DPP6: variants seen among roughly 807,000 people sequenced by gnomAD.
DPP6 encodes dipeptidyl peptidase like 6.
A neutral mutation model predicts 122.6 loss-of-function variants in DPP6; 69 were observed. The observed-to-expected ratio is 0.56, with a 90% CI of 0.46 to 0.69. The LOEUF is 0.69. Ranked by LOEUF, DPP6 falls within the 30% of genes least tolerant of loss-of-function variation. The pLI is 0.00. For missense variants in DPP6, 928 were observed against 1,116.9 expected (o/e 0.83, Z 2.41); for synonymous variants, 418 against 433.1 (o/e 0.97, Z 0.43).
At chr7:154,385,935 A>G (rs1018901515) in intron 1 of DPP6, among the ~76,000 whole-genome samples, 4 of 152,192 alleles carry the variant, frequency 2.6e-5, no homozygotes, top group African/African-American at 9.7e-5. Context: ...AAAAGCAAGA[A>G]GCACTATGGA....
At position 154,063,615 on chromosome 7, in the gene DPP6, C is replaced by T. The variant is rs541049878; in HGVS notation, c.243+10552C>T. Among the ~76,000 whole-genome samples the T allele has an allele frequency of 1.6e-3, 214 of 131,514 alleles. 13 individuals are homozygous for T. Among genetic ancestry groups the T allele is most frequent in the Non-Finnish European group, 2.4e-3 (146 of 60,522 alleles). 86.3% of individuals were successfully genotyped at this position (131,514 alleles called of 152,430 possible). ...CCCCATCGCAGTGAGGGAGGCACCC[C>T]CCACGAGGCAGGGACTGAGAGCCAC... is the stretch of plus-strand genomic sequence containing the variant. On this transcript the variant is annotated intron_variant, in intron 1 of 25. Coordinates refer to ENST00000377770, the MANE Select transcript of DPP6 (RefSeq NM_130797.4).
At chr7:154,844,613 G>A (rs1256479630) in intron 16 of DPP6, among the ~76,000 whole-genome samples, 1 of 152,166 alleles carries the variant, frequency 6.6e-6, no homozygotes. Flanking sequence ...GCCTGTGGTG[G>A]TCCTACAGTT....
chr7:154,867,537 C>G (rs1424036668), intron 17 of DPP6, among the ~76,000 whole-genome samples: 1 of 152,166 alleles, frequency 6.6e-6, no homozygotes, highest in Admixed American at 6.5e-5. Flanking sequence ...AGATCAGAAT[C>G]CATTTTATTT....
intron 3 of DPP6, among the ~76,000 whole-genome samples, chr7:154,515,765 C>T (rs1039321647): frequency 3.9e-5 from 6 of 152,106 alleles, no homozygotes; most frequent in Non-Finnish European, 8.8e-5. Flanking sequence ...TGAGCTATTG[C>T]GCCTGGCCTG....
At chr7:154,853,986 C>A (rs971996740) in intron 17 of DPP6, among the ~76,000 whole-genome samples, 159 bp downstream of exon 17, 1 of 152,110 alleles carries the variant, frequency 6.6e-6, no homozygotes, top group Non-Finnish European at 1.5e-5. Flanking sequence ...CCAATATCAA[C>A]GAAATATGAT....
chr7:154,438,522 T>C (rs1819095647), intron 1 of DPP6, among the ~76,000 whole-genome samples: 1 of 134,844 alleles, frequency 7.4e-6, no homozygotes, highest in Non-Finnish European at 1.6e-5. Flanking sequence ...AAATATCTCC[T>C]AAAGTAACAG....
At chr7:154,431,153 G>T (rs1024378414) in intron 1 of DPP6, among the ~76,000 whole-genome samples, 2 of 152,178 alleles carry the variant, frequency 1.3e-5, no homozygotes, top group Non-Finnish European at 2.9e-5. Flanking sequence ...AGAACACCGT[G>T]GTGCCCTGAG....
At chr7:154,087,602 G>T (rs1420957587) in intron 1 of DPP6, among the ~76,000 whole-genome samples, 2 of 152,164 alleles carry the variant, frequency 1.3e-5, no homozygotes, top group African/African-American at 2.4e-5. Context: ...TTCTTCTCTG[G>T]TGTTTCTCTC....
intron 1 of DPP6, among the ~76,000 whole-genome samples, chr7:154,363,921 A>G (rs955492072): frequency 6.6e-6 from 1 of 152,126 alleles, no homozygotes; most frequent in African/African-American, 2.4e-5. Flanking sequence ...TAATTGGGTA[A>G]TTATTTAGCT....
the DPP6 span, among the ~76,000 whole-genome samples, chr7:153,836,856 T>A: frequency 6.6e-6 from 1 of 152,214 alleles, no homozygotes; most frequent in African/African-American, 2.4e-5. Context: ...TCACTCTGAC[T>A]TCCAGTTAAA....
In DPP6 at chr7:154,833,153, C is replaced by A. The variant is rs571868752; in HGVS notation, c.1667-20627C>A. Among the ~76,000 whole-genome samples the A allele has an allele frequency of 1.3e-5, 2 of 149,792 alleles. No homozygotes were observed. The highest frequency in any genetic ancestry group is 5.1e-5 in the African/African-American group (2 of 39,312). ...CTGCTAAGTGGAGGCATCTCACTCA[C>A]GCCATGCAAGCAGCCTGGGCTCCGA... is the stretch of plus-strand genomic sequence containing the variant. On this transcript the variant is annotated intron_variant, in intron 16 of 25. Coordinates refer to ENST00000377770, the MANE Select transcript of DPP6 (RefSeq NM_130797.4). This position sits in a 1 kb window ranked among gnomAD's most constrained non-coding sequence, Gnocchi z 4.3.
At chr7:153,933,098 G>A (rs1395023988) in intron 1 of DPP6, among the ~76,000 whole-genome samples, 1 of 152,180 alleles carries the variant, frequency 6.6e-6, no homozygotes, top group Admixed American at 6.5e-5. Context: ...ACATGAAACT[G>A]TGAGTCCATT....
intron 1 of DPP6, among the ~76,000 whole-genome samples, chr7:153,913,972 T>C (rs886365553): frequency 2.0e-5 from 3 of 152,214 alleles, no homozygotes; most frequent in Middle Eastern, 3.2e-3. Flanking sequence ...CCAGAGAGAA[T>C]ACTTGCACTT....
At chr7:154,416,795 G>GC (rs74900567) in intron 1 of DPP6, among the ~76,000 whole-genome samples, 46,877 of 102,770 alleles carry the variant, frequency 0.46, 9,030 homozygotes, top group Admixed American at 0.58. Flanking sequence ...CGGTTTTCCT[G>GC]CTTTCAAGTG....
intron 7 of DPP6, among the ~76,000 whole-genome samples, chr7:154,710,086 A>G (rs972833453): frequency 6.6e-6 from 1 of 152,154 alleles, no homozygotes. Context: ...TGTCCCCCCA[A>G]CCACACAGGA....
At chr7:154,081,204 G>A (rs1168224487) in intron 1 of DPP6, among the ~76,000 whole-genome samples, 1 of 151,618 alleles carries the variant, frequency 6.6e-6, no homozygotes, top group Non-Finnish European at 1.5e-5. Flanking sequence ...GGATGGAGTA[G>A]CAAAGGCCCT....
intron 1 of DPP6, among the ~76,000 whole-genome samples, chr7:154,346,464 G>A (rs34600261): frequency 0.08 from 12,205 of 152,108 alleles, 640 homozygotes; most frequent in African/African-American, 0.13. Context: ...TCACCACCAT[G>A]CCCGTCTAAT....
chr7:154,082,119 C>T (rs929833839), intron 1 of DPP6, among the ~76,000 whole-genome samples: 10 of 152,100 alleles, frequency 6.6e-5, no homozygotes, highest in African/African-American at 1.4e-4. Context: ...CCATCGTCTA[C>T]GGGAGATGGT....
chr7:154,023,189 C>T (rs943692502), intron 1 of DPP6, among the ~76,000 whole-genome samples: 1 of 151,878 alleles, frequency 6.6e-6, no homozygotes, highest in African/African-American at 2.4e-5. Context: ...GACAAAGGTG[C>T]AGACTTACCC....
Sources: gnomAD v4.1 joint callset for allele counts (sites outside exome capture counted in the v4.1 genomes callset) on GRCh38, gnomAD v4.1.1 for gene constraint, Gnocchi (gnomAD v3.1) non-coding constraint, MANE v1.5 for transcripts, NCBI Gene and HGNC (gene_info 2026-07-23, HGNC 2026-07-21) for gene names.